PSIP1: variants seen among roughly 807,000 people sequenced by gnomAD.
PSIP1 encodes the protein PC4 and SRSF1 interacting protein 1, also known as PC4 and SFRS1-interacting protein.
A neutral mutation model predicts 74.7 loss-of-function variants in PSIP1; 19 were observed. The ratio of observed to expected loss-of-function variants is 0.25; its 90% CI spans 0.18 to 0.37. PSIP1 has a LOEUF of 0.37. Among genes scored for constraint, PSIP1 ranks in the 10% least tolerant of loss-of-function variants. PSIP1 has a pLI of 1.00. For missense variants in PSIP1, 601 were observed against 614.3 expected (o/e 0.98, Z 0.23); for synonymous variants, 222 against 195.3 (o/e 1.14, Z -1.14).
chr9:15,499,008 G>T (rs908270080), intron 3 of PSIP1, among the ~76,000 whole-genome samples: 2 of 151,996 alleles, frequency 1.3e-5, no homozygotes, highest in Non-Finnish European at 2.9e-5. Context: ...AACAAGAAAA[G>T]ATACACATTC....
intron 10 of PSIP1, chr9:15,471,423 T>C: frequency 6.8e-7 from 1 of 1,469,450 alleles, no homozygotes; most frequent in East Asian, 2.5e-5. Flanking sequence ...TACATAAAGA[T>C]AACTTTAAGA....
chr9:15,466,599 CTT>C (rs2035643167), intron 15 of PSIP1, 147 bp downstream of exon 15: 1 of 594,018 alleles, frequency 1.7e-6, no homozygotes, highest in Non-Finnish European at 2.8e-6. Context: ...ACTCTTCTTC[CTT>C]TTTGAATTGT....
In PSIP1 at chr9:15,490,682, CAAAAAAA is replaced by C. The variant is rs869054621; in HGVS notation, c.150-565_150-559del. 1.4e-4 allele frequency among the ~76,000 whole-genome samples: 8 copies of C among 57,314 alleles called. No homozygotes were observed. The South Asian group carries it at 3.9e-3, about 28-fold the overall frequency. 37.6% of individuals were successfully genotyped at this position (57,314 alleles called of 152,430 possible). Reference sequence around the variant, plus strand: ...TGGGTGACAGAGTGAGACTCTGTCTCAAAAAAAAAAAAAAAAAAAAAAAGGTTAATTC... The same window carrying C: ...TGGGTGACAGAGTGAGACTCTGTCTCAAAAAAAAAAAAAAAAGGTTAATTC... On this transcript the variant is annotated intron_variant, in intron 3 of 15. Transcript: ENST00000380733.
intron 14 of PSIP1, 112 bp from the exon 15 acceptor site, chr9:15,466,971 C>T (rs2035664897): frequency 1.4e-6 from 1 of 735,394 alleles, no homozygotes; most frequent in Admixed American, 2.9e-5. Context: ...GTTTCTACTA[C>T]TTAATGTCTT....
intron 8 of PSIP1, among the ~76,000 whole-genome samples, chr9:15,476,339 T>C (rs1340882422): frequency 6.6e-6 from 1 of 152,190 alleles, no homozygotes; most frequent in Admixed American, 6.5e-5. Context: ...TAATACGTTA[T>C]TATACAATGG....
rs1181924776 is a variant in PSIP1, at chr9:15,510,280, A to C, written c.-92T>G. The C allele has an allele frequency of 1.0e-5, 11 of 1,054,230 alleles. 1 individual carries two copies. In the South Asian group the frequency reaches 1.7e-4, roughly 16 times the overall value. The allele number at this position is 1,054,230 out of a possible 1,614,324, so 65.3% of individuals were successfully genotyped here. On this transcript the variant is annotated 5_prime_UTR_variant, in exon 2 of 16. Transcript: ENST00000380733. ...GCGGGCGGCGGACGCGGGCCCAGCT[A>C]CCGGGCCCGCGGGCGGGGGAGGATG...
chr9:15,478,870 A>G (rs575884795), intron 7 of PSIP1, among the ~76,000 whole-genome samples: 4 of 152,194 alleles, frequency 2.6e-5, no homozygotes, highest in African/African-American at 9.6e-5. Flanking sequence ...CAGCACTTAT[A>G]TTTAATATTC....
At chr9:15,478,654 T>G (rs781627892) in intron 7 of PSIP1, 102 bp from the exon 8 acceptor site, 1 of 797,240 alleles carries the variant, frequency 1.3e-6, no homozygotes, top group South Asian at 1.7e-5. Context: ...TTAAGAATAT[T>G]AGTAGCTTAT....
intron 7 of PSIP1, among the ~76,000 whole-genome samples, chr9:15,478,755 C>T (rs1286994639): frequency 1.3e-5 from 2 of 151,830 alleles, no homozygotes; most frequent in Admixed American, 1.3e-4. Flanking sequence ...AAGAGGTAAA[C>T]AGAGTAATCC....
intron 14 of PSIP1, among the ~76,000 whole-genome samples, chr9:15,467,480 A>C (rs1005344047): frequency 1.3e-5 from 2 of 152,208 alleles, no homozygotes; most frequent in African/African-American, 2.4e-5. Context: ...GGAGCTGATA[A>C]TGGTACTATG....
chr9:15,476,757 A>ACACACATACAAAAGTATTACATTAC (rs2036102239), intron 8 of PSIP1, among the ~76,000 whole-genome samples: 1 of 152,218 alleles, frequency 6.6e-6, no homozygotes, highest in African/African-American at 2.4e-5. Context: ...CCAGAATTAA[A>ACACACATACAAAAGTATTACATTAC]CACACATACA....
At chr9:15,466,557 A>G (rs2035640125) in intron 15 of PSIP1, among the ~76,000 whole-genome samples, 191 bp downstream of exon 15, 1 of 152,214 alleles carries the variant, frequency 6.6e-6, no homozygotes, top group Non-Finnish European at 1.5e-5. Flanking sequence ...CCTTGAATTC[A>G]GTGGCAAAGT....
intron 3 of PSIP1, among the ~76,000 whole-genome samples, chr9:15,491,176 C>T (rs907356339): frequency 1.3e-5 from 2 of 152,198 alleles, no homozygotes; most frequent in Non-Finnish European, 1.5e-5. Flanking sequence ...ATGTAACATG[C>T]GCTTTCTCTG....
rs766239676 is a variant in PSIP1, at chr9:15,466,858, C to T, written c.1422G>A (p.Gly474=). The T allele has an allele frequency of 5.6e-6, 9 of 1,609,184 alleles. No individual in the cohort carries two copies. The highest frequency in any genetic ancestry group is 6.8e-6 in the Non-Finnish European group (8 of 1,178,034). Residue 474 remains glycine, a splice_region_variant and synonymous_variant, in exon 15 of 16, where the codon GGG becomes GGA. Coordinates refer to ENST00000380733, the MANE Select transcript of PSIP1 (RefSeq NM_033222.5). Reference sequence around the variant, plus strand: ...CAGATCCTCCATTTAGAGTCTTTGACCCTTGCGAAGGAATCCAATGGAAAA... The same window carrying T: ...CAGATCCTCCATTTAGAGTCTTTGATCCTTGCGAAGGAATCCAATGGAAAA... ...PNKKLEKEQT[G]SKTLNGGSDA...
At chr9:15,503,591 G>A (rs2037444620) in intron 3 of PSIP1, among the ~76,000 whole-genome samples, 1 of 151,550 alleles carries the variant, frequency 6.6e-6, no homozygotes, top group Non-Finnish European at 1.5e-5. Flanking sequence ...AGGCCCAGGA[G>A]TTCAAGGATG....
At chr9:15,474,324 G>A in intron 8 of PSIP1, 87 bp from the exon 9 acceptor site, 5 of 1,200,808 alleles carry the variant, frequency 4.2e-6, no homozygotes, top group Middle Eastern at 2.4e-4. Flanking sequence ...TTAATTTAAA[G>A]GCAAATCTAA....
chr9:15,507,728 GCTGA>G (rs750009905), intron 2 of PSIP1, among the ~76,000 whole-genome samples: 22 of 152,130 alleles, frequency 1.4e-4, no homozygotes, highest in Non-Finnish European at 2.8e-4. Context: ...TTGAAAATCA[GCTGA>G]CTTTGTTAAG....
chr9:15,483,361 C>A (rs1035640096), intron 6 of PSIP1, among the ~76,000 whole-genome samples: 1 of 151,912 alleles, frequency 6.6e-6, no homozygotes, highest in Admixed American at 6.6e-5. Context: ...CCCCCGCCCC[C>A]TTTACCATCC....
At chr9:15,481,404 T>C (rs79599751) in intron 6 of PSIP1, among the ~76,000 whole-genome samples, 79 of 152,312 alleles carry the variant, frequency 5.2e-4, no homozygotes, top group African/African-American at 1.8e-3. Flanking sequence ...ATAAGAATTA[T>C]AGGTAGGGTT....
Sources: gnomAD v4.1 joint callset for allele counts (sites outside exome capture counted in the v4.1 genomes callset) on GRCh38, gnomAD v4.1.1 for gene constraint, MANE v1.5 for transcripts, NCBI Gene and HGNC (gene_info 2026-07-23, HGNC 2026-07-21) for gene names.